The following PLBD1 variants were observed in gnomAD, a reference collection of about 807,000 sequenced individuals.
PLBD1 encodes the protein phospholipase B domain containing 1, also known as lysosomal leucine aminopeptidase.
A neutral mutation model predicts 63.0 loss-of-function variants in PLBD1; 60 were observed. The observed-to-expected ratio is 0.95, with a 90% CI of 0.77 to 1.18. The LOEUF (loss-of-function observed/expected upper bound fraction) is 1.18. Ranked by LOEUF, PLBD1 falls within the 50% of genes most tolerant of loss-of-function variation. The pLI is 0.00. For missense variants in PLBD1, 598 were observed against 677.9 expected, an observed-to-expected ratio of 0.88 and a Z score of 1.31; for synonymous variants, 262 against 248.0, an observed-to-expected ratio of 1.06 and a Z score of -0.53.
chr12:14,563,839 G>A (rs2136936746), intron 1 of PLBD1, among the ~76,000 whole-genome samples: 1 of 152,262 alleles, frequency 6.6e-6, no homozygotes, highest in Non-Finnish European at 1.5e-5. Flanking sequence ...CTGGAATTCT[G>A]TGTTACCTCT....
At chr12:14,560,044 CAG>C (rs1461320340) in intron 1 of PLBD1, among the ~76,000 whole-genome samples, 1 of 151,942 alleles carries the variant, frequency 6.6e-6, no homozygotes, top group Non-Finnish European at 1.5e-5. Flanking sequence ...ATTTTTAGTA[CAG>C]ACAGGGTTTC....
chr12:14,566,186 C>T (rs1246492069), intron 1 of PLBD1, among the ~76,000 whole-genome samples: 1 of 152,204 alleles, frequency 6.6e-6, no homozygotes, highest in Non-Finnish European at 1.5e-5. Flanking sequence ...TCTGAATGAG[C>T]TGTCTCCCTA....
rs769086796 is a variant in PLBD1 at position 14,506,976 on chromosome 12, T to G, written c.1329A>C (p.Lys443Asn). The change falls in exon 9 of 11, where the codon AAA becomes AAC. Residue 443 changes from lysine (K) to asparagine (N), a missense_variant. Coordinates refer to ENST00000240617, the MANE Select transcript of PLBD1 (RefSeq NM_024829.6). ...ATTTCATGGATGCCGTATCAGTCAC[T>G]TTCCCTTGGTCACGCCGGAAAATTT... ...RAKIFRRDQG[K>N]VTDTASMKYI... 1 of 1,614,038 alleles carries G rather than the reference T, an allele frequency of 6.2e-7. No individual in the cohort carries two copies.
Position 14,563,532 on chromosome 12 carries a change from A to C in PLBD1, c.115+4050T>G, listed in dbSNP as rs780789037. Among the ~76,000 whole-genome samples the C allele has an allele frequency of 1.7e-3, 265 of 152,114 alleles. 1 individual carries two copies. Among genetic ancestry groups the C allele is most frequent in the Non-Finnish European group, 2.5e-3 (168 of 68,000 alleles). On this transcript the variant is annotated intron_variant, in intron 1 of 10. Transcript: ENST00000240617. ...GACTCTGTCTCAAAAAAACAACAAA[A>C]AAAAAATTACTTCAAAGCACATGGA... is the stretch of plus-strand genomic sequence containing the variant.
At chr12:14,524,011 TG>T (rs771538436) in intron 6 of PLBD1, among the ~76,000 whole-genome samples, 2 of 152,084 alleles carry the variant, frequency 1.3e-5, no homozygotes, top group Non-Finnish European at 2.9e-5. Flanking sequence ...TGTAGCAATG[TG>T]GATGAGCCCT....
At chr12:14,549,263 C>A (rs895314616) in intron 2 of PLBD1, among the ~76,000 whole-genome samples, 1 of 152,124 alleles carries the variant, frequency 6.6e-6, no homozygotes, top group Non-Finnish European at 1.5e-5. Context: ...TAAAAATTAA[C>A]AAAATACGGT....
intron 10 of PLBD1, among the ~76,000 whole-genome samples, chr12:14,505,899 CAT>C (rs772610783): frequency 1.3e-5 from 2 of 152,188 alleles, no homozygotes; most frequent in Admixed American, 6.5e-5. Flanking sequence ...TTCAGAACAA[CAT>C]ATGAGGTAAG....
intron 1 of PLBD1, among the ~76,000 whole-genome samples, chr12:14,561,895 T>A (rs777920753): frequency 2.0e-4 from 31 of 152,168 alleles, no homozygotes; most frequent in Non-Finnish European, 3.8e-4. Context: ...AGGTCACACC[T>A]GGTGACAGAC....
intron 6 of PLBD1, among the ~76,000 whole-genome samples, chr12:14,529,929 G>A (rs951657227): frequency 5.9e-5 from 9 of 152,126 alleles, no homozygotes; most frequent in African/African-American, 1.9e-4. Flanking sequence ...CAAAAAAATC[G>A]TAATACATTG....
chr12:14,529,014 C>T (rs1007325162), intron 6 of PLBD1, among the ~76,000 whole-genome samples: 7 of 151,972 alleles, frequency 4.6e-5, no homozygotes, highest in Non-Finnish European at 8.8e-5. Context: ...TAGCTTCACG[C>T]GTGAATTCTA....
intron 6 of PLBD1, among the ~76,000 whole-genome samples, chr12:14,535,330 T>C (rs770069675): frequency 1.3e-5 from 2 of 152,238 alleles, no homozygotes; most frequent in Non-Finnish European, 2.9e-5. Context: ...GGATCAGCCA[T>C]GTCTTCATTG....
intron 6 of PLBD1, chr12:14,533,219 G>C (rs1469297289): frequency 6.6e-6 from 1 of 152,174 alleles, no homozygotes; most frequent in Admixed American, 6.5e-5. Context: ...AATGTGGCTG[G>C]TCCCTTAATA....
chr12:14,563,277 C>T (rs1307919899), intron 1 of PLBD1, among the ~76,000 whole-genome samples: 2 of 152,042 alleles, frequency 1.3e-5, no homozygotes, highest in African/African-American at 2.4e-5. Context: ...CTCAGCACTT[C>T]GGGAGGCCAG....
At chr12:14,511,798 T>A in intron 6 of PLBD1, 87 bp from the exon 7 acceptor site, 2 of 1,287,426 alleles carry the variant, frequency 1.6e-6, no homozygotes, top group South Asian at 1.3e-5. Flanking sequence ...ACATACACAA[T>A]GCATTTTGCA....
intron 6 of PLBD1, among the ~76,000 whole-genome samples, chr12:14,516,400 A>G (rs1239138238): frequency 6.6e-6 from 1 of 152,194 alleles, no homozygotes; most frequent in Non-Finnish European, 1.5e-5. Context: ...TTAGACCACA[A>G]GGGCTGCCAT....
At position 14,536,756 on chromosome 12, in the gene PLBD1, A is replaced by C. The variant is rs368602172; in HGVS notation, c.559-46T>G. On this transcript the variant is annotated intron_variant, in intron 4 of 10. Coordinates refer to ENST00000240617, the MANE Select transcript of PLBD1 (RefSeq NM_024829.6). ...CACTTAACATCGTTTTGTGACAGAC[A>C]TCATTTCCTGTTTTCCTCTTGTTAG... 36 of 1,601,698 alleles carry C rather than the reference A, an allele frequency of 2.2e-5. No homozygotes were observed. The African/African-American group carries it at 4.3e-4, about 19-fold the overall frequency.
chr12:14,509,566 T>G (rs921774175), intron 8 of PLBD1, among the ~76,000 whole-genome samples: 6 of 152,182 alleles, frequency 3.9e-5, no homozygotes, highest in Non-Finnish European at 1.5e-5. Flanking sequence ...CCACCTTTTG[T>G]TTTATGCATA....
At chr12:14,533,373 G>A (rs1310309072) in intron 6 of PLBD1, 2 of 152,202 alleles carry the variant, frequency 1.3e-5, no homozygotes, top group Non-Finnish European at 2.9e-5. Flanking sequence ...ACTGTCTGTT[G>A]CTCTCTTGGA....
intron 8 of PLBD1, among the ~76,000 whole-genome samples, chr12:14,507,857 C>T (rs1002031938): frequency 4.6e-5 from 7 of 152,188 alleles, no homozygotes; most frequent in Non-Finnish European, 1.0e-4. Flanking sequence ...ACACAGCTCT[C>T]TCTTGTAAAA....
Sources: gnomAD v4.1 joint callset for allele counts (sites outside exome capture counted in the v4.1 genomes callset) on GRCh38, gnomAD v4.1.1 for gene constraint, MANE v1.5 for transcripts, NCBI Gene and HGNC (gene_info 2026-07-23, HGNC 2026-07-21) for gene names.